The following XKR9 variants were observed in gnomAD, a reference collection of about 807,000 sequenced individuals.
XKR9 encodes XK-related protein 9.
XKR9 carries 32 observed loss-of-function variants against 32.0 expected under a neutral mutation model. The observed-to-expected ratio is 1.00, with a 90% CI of 0.76 to 1.34. The LOEUF (loss-of-function observed/expected upper bound fraction) is 1.34, where lower values mean the gene tolerates loss of function less well. Ranked by LOEUF, XKR9 falls within the 40% of genes most tolerant of loss-of-function variation. XKR9 has a pLI of 0.00. For missense variants in XKR9, 546 were observed against 429.7 expected, an observed-to-expected ratio of 1.27 and a Z score of -2.39; for synonymous variants, 168 against 143.4, an observed-to-expected ratio of 1.17 and a Z score of -1.22.
the XKR9 span, among the ~76,000 whole-genome samples, chr8:70,957,198 GA>G: frequency 3.3e-5 from 5 of 152,156 alleles, no homozygotes; most frequent in Admixed American, 2.0e-4. Flanking sequence ...GAATCTTGAG[GA>G]AAAAAATATT....
At chr8:70,856,618 C>T in the XKR9 span, among the ~76,000 whole-genome samples, 18 of 152,086 alleles carry the variant, frequency 1.2e-4, no homozygotes, top group East Asian at 3.9e-4. Flanking sequence ...CTGCACCAAG[C>T]GGACCTAATA....
chr8:70,719,763 C>T (rs1353843804), intron 4 of XKR9, among the ~76,000 whole-genome samples: 1 of 151,986 alleles, frequency 6.6e-6, no homozygotes, highest in Non-Finnish European at 1.5e-5. Context: ...TTAGGATTGT[C>T]TTGGCTATAT....
chr8:70,686,589 A>G (rs567135508), intron 3 of XKR9, among the ~76,000 whole-genome samples: 1 of 152,056 alleles, frequency 6.6e-6, no homozygotes, highest in South Asian at 2.1e-4. Context: ...GACTACAGGC[A>G]TGTGCCACCA....
chr8:70,748,392 C>T (rs1051525016), intron 2 of XKR9, among the ~76,000 whole-genome samples: 43 of 152,364 alleles, frequency 2.8e-4, no homozygotes, highest in Middle Eastern at 3.4e-3. Context: ...AGTCTCTCCC[C>T]GCTCCTGGCG....
At chr8:70,744,986 G>C (rs117979082) in intron 2 of XKR9, among the ~76,000 whole-genome samples, 8,267 of 150,104 alleles carry the variant, frequency 0.055, 854 homozygotes, top group South Asian at 0.19. Context: ...GGTAGAGCTG[G>C]ACTTGTGTCA....
At chr8:71,024,121 A>G in the XKR9 span, among the ~76,000 whole-genome samples, 1 of 152,198 alleles carries the variant, frequency 6.6e-6, no homozygotes, top group African/African-American at 2.4e-5. Flanking sequence ...AGGGTGATCC[A>G]TAGGTCCTGT....
At chr8:70,956,207 A>G in the XKR9 span, among the ~76,000 whole-genome samples, 1 of 152,138 alleles carries the variant, frequency 6.6e-6, no homozygotes, top group Non-Finnish European at 1.5e-5. Context: ...AGGTACATGG[A>G]CAACTGGAGG....
chr8:70,706,831 G>A, intron 3 of XKR9, 102 bp from the exon 4 acceptor site: 1 of 977,610 alleles, frequency 1.0e-6, no homozygotes, highest in Non-Finnish European at 1.5e-6. Flanking sequence ...GAAAAACTGT[G>A]TACTTAAAAC....
At chr8:70,669,642 T>TGTGTG (rs1563411694) in intron 1 of XKR9, 104 bp downstream of exon 1, 6,214 of 125,010 alleles carry the variant, frequency 0.05, 199 homozygotes, top group Non-Finnish European at 0.062. Flanking sequence ...GTGTGTGTAG[T>TGTGTG]AGTAGTAGTA....
chr8:70,815,273 A>G, the XKR9 span, among the ~76,000 whole-genome samples: 4 of 152,116 alleles, frequency 2.6e-5, no homozygotes, highest in Non-Finnish European at 5.9e-5. Flanking sequence ...CCACCAACGT[A>G]TTAAGCCTAG....
intron 2 of XKR9, among the ~76,000 whole-genome samples, chr8:70,675,700 G>C (rs1818860702): frequency 1.3e-5 from 2 of 152,128 alleles, no homozygotes; most frequent in South Asian, 4.1e-4. Context: ...ATCCAGCCAA[G>C]CTTTTTGCTG....
At chr8:70,813,041 T>C in the XKR9 span, among the ~76,000 whole-genome samples, 1 of 152,090 alleles carries the variant, frequency 6.6e-6, no homozygotes, top group African/African-American at 2.4e-5. Flanking sequence ...GACTTCAAAC[T>C]ATACTACAAG....
the XKR9 span, among the ~76,000 whole-genome samples, chr8:71,039,283 T>C: frequency 3.9e-5 from 6 of 152,212 alleles, no homozygotes; most frequent in African/African-American, 1.4e-4. Flanking sequence ...GCTGAAAATA[T>C]CATAAGTTGA....
intron 4 of XKR9, among the ~76,000 whole-genome samples, chr8:70,716,318 T>C (rs534704478): frequency 4.8e-4 from 73 of 152,210 alleles, no homozygotes; most frequent in Admixed American, 8.5e-4. Context: ...ACTGCACTTA[T>C]GTAGTTATAA....
the XKR9 span, among the ~76,000 whole-genome samples, chr8:70,922,332 A>G: frequency 3.9e-5 from 6 of 152,342 alleles, no homozygotes; most frequent in African/African-American, 1.4e-4. Flanking sequence ...CACTTTGTGT[A>G]TGTACCATAG....
At chr8:70,885,528 G>A in the XKR9 span, among the ~76,000 whole-genome samples, 910 of 151,932 alleles carry the variant, frequency 6.0e-3, 13 homozygotes, top group African/African-American at 0.021. Context: ...TTTAAGCTCC[G>A]CATGCATTAT....
chr8:70,889,645 A>T, the XKR9 span, among the ~76,000 whole-genome samples: 2 of 151,858 alleles, frequency 1.3e-5, no homozygotes, highest in African/African-American at 4.8e-5. Context: ...TATTTCACTT[A>T]TAATATTACA....
At chr8:70,675,394 A>C (rs1411801311) in intron 2 of XKR9, among the ~76,000 whole-genome samples, 1 of 152,134 alleles carries the variant, frequency 6.6e-6, no homozygotes, top group East Asian at 1.9e-4. Flanking sequence ...TAGTTTTGCA[A>C]ATATCTTTAG....
At chr8:70,973,907 C>T in the XKR9 span, among the ~76,000 whole-genome samples, 2 of 152,174 alleles carry the variant, frequency 1.3e-5, no homozygotes, top group African/African-American at 4.8e-5. Flanking sequence ...GAGAATGTTC[C>T]ATGTGCTGAT....
Sources: gnomAD v4.1 joint callset for allele counts (sites outside exome capture counted in the v4.1 genomes callset) on GRCh38, gnomAD v4.1.1 for gene constraint, MANE v1.5 for transcripts, NCBI Gene and HGNC (gene_info 2026-07-23, HGNC 2026-07-21) for gene names.